Variants in OLAH observed in about 807,000 individuals in gnomAD.
The protein encoded by OLAH is S-acyl fatty acid synthase thioesterase, medium chain.
Under a neutral mutation model 27.8 loss-of-function variants are expected in OLAH, and 33 were observed. That is an observed-to-expected ratio of 1.19 (90% CI 0.90 to 1.59). The LOEUF is 1.59. Among genes scored for constraint, OLAH ranks in the 40% most tolerant of loss-of-function variants. The pLI is 0.00. For missense variants in OLAH, 359 were observed against 310.8 expected, an observed-to-expected ratio of 1.16 and a Z score of -1.17; for synonymous variants, 120 against 102.9, an observed-to-expected ratio of 1.17 and a Z score of -1.01.
At chr10:15,064,737 A>G (rs982988308) in intron 5 of OLAH, among the ~76,000 whole-genome samples, 5 of 152,180 alleles carry the variant, frequency 3.3e-5, no homozygotes, top group African/African-American at 1.2e-4. Context: ...GTCTCACTGC[A>G]ACCTCTGCTT....
chr10:15,056,343 A>C (rs961506903), intron 3 of OLAH, among the ~76,000 whole-genome samples: 1 of 152,164 alleles, frequency 6.6e-6, no homozygotes, highest in African/African-American at 2.4e-5. Flanking sequence ...TCTGGGTGGT[A>C]GAGTATGAAC....
rs539096868 is a variant in OLAH at position 15,073,456 on chromosome 10, C to T, written c.*227C>T. 5.8e-5 allele frequency: 23 copies of T among 397,234 alleles called. No individual in the cohort carries two copies. Among genetic ancestry groups the T allele is most frequent in the African/African-American group, 3.6e-4 (17 of 47,110 alleles). 24.6% of individuals were successfully genotyped at this position (397,234 alleles called of 1,614,324 possible). ...CGGGCGGATCACGAGGTCAGGAGATCGAGACCGTCCTGGCTAACACCGTGA... is the reference window on the plus strand; with the variant it reads ...CGGGCGGATCACGAGGTCAGGAGATTGAGACCGTCCTGGCTAACACCGTGA... On this transcript the variant is annotated 3_prime_UTR_variant, in exon 8 of 8. Transcript: ENST00000378228.
At chr10:15,047,342 C>T (rs1844039661) in intron 2 of OLAH, 22 bp downstream of exon 2, 3 of 1,611,984 alleles carry the variant, frequency 1.9e-6, no homozygotes, top group Non-Finnish European at 2.5e-6. Context: ...CTTGTGCCAC[C>T]AGGCTCTTCC....
chr10:15,047,066 A>AT (rs899174504), intron 1 of OLAH, 60 bp from the exon 2 acceptor site: 39 of 459,724 alleles, frequency 8.5e-5, no homozygotes, highest in Non-Finnish European at 1.4e-4. Flanking sequence ...CACCACTGTC[A>AT]TTTTTTTCTC....
intron 6 of OLAH, 44 bp from the exon 7 acceptor site, chr10:15,071,751 T>C (rs754899157): frequency 2.0e-6 from 3 of 1,526,032 alleles, no homozygotes; most frequent in South Asian, 1.2e-5. Flanking sequence ...GATTCTGGGA[T>C]GTTGATTTCA....
Position 15,073,456 on chromosome 10 carries a change from C to A in OLAH, c.*227C>A, listed in dbSNP as rs539096868. Reference sequence around the variant, plus strand: ...CGGGCGGATCACGAGGTCAGGAGATCGAGACCGTCCTGGCTAACACCGTGA... The same window carrying A: ...CGGGCGGATCACGAGGTCAGGAGATAGAGACCGTCCTGGCTAACACCGTGA... On this transcript the variant is annotated 3_prime_UTR_variant, in exon 8 of 8. Coordinates refer to ENST00000378228, the MANE Select transcript of OLAH (RefSeq NM_001039702.3). 5.0e-6 allele frequency: 2 copies of A among 397,352 alleles called. No homozygotes were observed. The highest frequency in any genetic ancestry group is 5.5e-5 in the South Asian group (2 of 36,620). 24.6% of individuals were successfully genotyped at this position (397,352 alleles called of 1,614,324 possible). A position where few individuals can be genotyped will look rare whatever the true frequency, so the allele number is the denominator to read the frequency against.
At chr10:15,051,514 C>G (rs905392897) in intron 3 of OLAH, among the ~76,000 whole-genome samples, 1 of 152,154 alleles carries the variant, frequency 6.6e-6, no homozygotes. Flanking sequence ...ACACATCTGT[C>G]CAACCTGTCG....
Position 15,060,108 on chromosome 10 carries a change from G to T in OLAH, c.164-1616G>T, listed in dbSNP as rs567534718. On this transcript the variant is annotated intron_variant, in intron 3 of 7. Transcript: ENST00000378228. ...TACACCTATGTTAGATCGATTTATA[G>T]TGTACCACAGTGTACTCATCAGCTG... Among the ~76,000 whole-genome samples, 14 of 151,942 alleles carry T rather than the reference G, an allele frequency of 9.2e-5. No individual in the cohort carries two copies. The South Asian group carries it at 1.2e-3, about 14-fold the overall frequency.
chr10:15,066,617 A>C (rs1844473309), intron 6 of OLAH, among the ~76,000 whole-genome samples: 1 of 23,532 alleles, frequency 4.2e-5, no homozygotes, highest in Admixed American at 4.0e-4. Context: ...TTATTTATTT[A>C]TTTATTTATT....
intron 2 of OLAH, among the ~76,000 whole-genome samples, chr10:15,047,812 C>A (rs115658087): frequency 9.2e-5 from 14 of 152,092 alleles, no homozygotes; most frequent in Admixed American, 4.6e-4. Context: ...ATCCACCCCC[C>A]CAAAAAAAGT....
chr10:15,038,138 G>T (rs920550525), intron 1 of OLAH, among the ~76,000 whole-genome samples: 1 of 152,256 alleles, frequency 6.6e-6, no homozygotes, highest in African/African-American at 2.4e-5. Context: ...CATGGGGCCT[G>T]TAGCCCCTTT....
intron 3 of OLAH, among the ~76,000 whole-genome samples, chr10:15,060,718 C>A (rs1279333251): frequency 6.6e-6 from 1 of 152,080 alleles, no homozygotes; most frequent in East Asian, 1.9e-4. Flanking sequence ...TCTGCTGACT[C>A]CATCTTTTGT....
chr10:15,041,407 T>C (rs1317215174), upstream of OLAH, among the ~76,000 whole-genome samples: 1 of 151,730 alleles, frequency 6.6e-6, no homozygotes, highest in Non-Finnish European at 1.5e-5. Context: ...GCCTCCTGAG[T>C]AACTGGGATT....
Position 15,047,340 on chromosome 10 carries a change from A to G in OLAH, c.32+20A>G, listed in dbSNP as rs1296080430. 1.9e-6 allele frequency: 3 copies of G among 1,612,388 alleles called. No homozygotes were observed. Among genetic ancestry groups the G allele is most frequent in the African/African-American group, 1.3e-5 (1 of 74,854 alleles). The stretch of plus-strand genomic sequence containing the variant: ...AACCAGGCAGGCCACCCCTTGTGCC[A>G]CCAGGCTCTTCCTCCATCCCAGGGG... On this transcript the variant is annotated intron_variant, in intron 2 of 7. Coordinates refer to ENST00000378228, the MANE Select transcript of OLAH (RefSeq NM_001039702.3).
upstream of OLAH, among the ~76,000 whole-genome samples, chr10:15,042,849 C>CTTTTTT (rs67828197): frequency 4.8e-4 from 29 of 60,626 alleles, 5 homozygotes; most frequent in African/African-American, 6.1e-4. Flanking sequence ...ACCCACGTGT[C>CTTTTTT]TTTTTTTTTT....
At position 15,038,381 on chromosome 10, in the gene OLAH, G is replaced by A. The variant is rs147222251; in HGVS notation, c.-164+6031G>A. On this transcript the variant is annotated intron_variant, in intron 1 of 3. Transcript: ENST00000413672. Reference sequence around the variant, plus strand: ...TTGGTTTTGAAATGTGAGGACATAAGATTTGGGAGGGGTCCAGGGTGGAAT... The same window carrying A: ...TTGGTTTTGAAATGTGAGGACATAAAATTTGGGAGGGGTCCAGGGTGGAAT... Among the ~76,000 whole-genome samples, 334 of 152,292 alleles carry A rather than the reference G, an allele frequency of 2.2e-3. 3 individuals carry two copies. The highest frequency in any genetic ancestry group is 7.6e-3 in the African/African-American group (317 of 41,548).
chr10:15,035,903 T>G (rs943537955), intron 1 of OLAH, among the ~76,000 whole-genome samples: 2 of 152,162 alleles, frequency 1.3e-5, no homozygotes, highest in Non-Finnish European at 1.5e-5. Context: ...ATTGCTCATG[T>G]TCTCATTGAA....
At chr10:15,053,331 T>G (rs1844182134) in intron 3 of OLAH, among the ~76,000 whole-genome samples, 1 of 152,134 alleles carries the variant, frequency 6.6e-6, no homozygotes, top group Admixed American at 6.6e-5. Context: ...ACACTGAAAG[T>G]TGGCAATCAG....
intron 6 of OLAH, among the ~76,000 whole-genome samples, chr10:15,070,958 T>C (rs1844573796): frequency 6.6e-6 from 1 of 151,882 alleles, no homozygotes; most frequent in Admixed American, 6.6e-5. Flanking sequence ...GCTAATTTTT[T>C]TATGTAGTAG....
Sources: allele counts gnomAD v4.1 joint callset (sites outside exome capture counted in the v4.1 genomes callset), GRCh38; gene constraint gnomAD v4.1.1; transcripts MANE v1.5; gene names NCBI Gene and HGNC (gene_info 2026-07-23, HGNC 2026-07-21).